The following FOXO3 variants were observed in gnomAD, a reference collection of about 807,000 sequenced individuals.
The protein encoded by FOXO3 is forkhead box O3.
A neutral mutation model predicts 41.9 loss-of-function variants in FOXO3; 4 were observed. The observed-to-expected ratio is 0.10, with a 90% CI of 0.05 to 0.22. FOXO3 has a LOEUF of 0.22. Among genes scored for constraint, FOXO3 ranks in the 10% least tolerant of loss-of-function variants. FOXO3 has a pLI of 1.00. For missense variants in FOXO3, 534 were observed against 906.8 expected (o/e 0.59, Z 5.28); for synonymous variants, 318 against 389.3 (o/e 0.82, Z 2.16).
At chr6:108,569,120 C>G (rs367969585) in intron 1 of FOXO3, among the ~76,000 whole-genome samples, 4 of 152,162 alleles carry the variant, frequency 2.6e-5, no homozygotes, top group African/African-American at 9.7e-5. Flanking sequence ...GCAGAAGTCC[C>G]AAATGTACTT....
At chr6:108,654,755 G>A (rs1278621915) in intron 1 of FOXO3, among the ~76,000 whole-genome samples, 1 of 144,538 alleles carries the variant, frequency 6.9e-6, no homozygotes, top group Non-Finnish European at 1.5e-5. Context: ...TTTTTTTTAA[G>A]TCCCTTAATG....
rs1415356200 is a variant in FOXO3 at position 108,663,902 on chromosome 6, T to A, written c.1069T>A (p.Ser357Thr). Reference protein sequence around the residue: ...LYSSSASLSPSVSKPCTVELP... With the variant: ...LYSSSASLSPTVSKPCTVELP... ...CAGCAGCTCAGCCAGCCTGTCACCT[T>A]CAGTAAGCAAGCCGTGCACGGTGGA... Residue 357 changes from serine to threonine, a missense_variant, in exon 2 of 3, where the codon TCA becomes ACA. Ser to Thr is a moderately conservative substitution (Grantham distance 58, BLOSUM62 1). Around this residue, in one of 8 missense-constraint regions of FOXO3, gnomAD observed 185 missense variants for 224.9 expected, o/e 0.82. Coordinates refer to ENST00000406360, the MANE Select transcript of FOXO3 (RefSeq NM_001455.4). 6.2e-7 allele frequency: 1 copy of A among 1,614,148 alleles called. No homozygotes were observed. The highest frequency in any genetic ancestry group is 8.5e-7 in the Non-Finnish European group (1 of 1,180,012).
chr6:108,584,595 G>C (rs1776523676), intron 1 of FOXO3, among the ~76,000 whole-genome samples: 1 of 152,200 alleles, frequency 6.6e-6, no homozygotes, highest in Non-Finnish European at 1.5e-5. Flanking sequence ...AACATGCAGA[G>C]TGTTGGGTGA....
At chr6:108,675,615 T>G (rs1770556767) in intron 2 of FOXO3, among the ~76,000 whole-genome samples, 1 of 152,262 alleles carries the variant, frequency 6.6e-6, no homozygotes, top group Admixed American at 6.5e-5. Context: ...GTTGAAAGTT[T>G]GGCTAAAATT....
Position 108,663,475 on chromosome 6 carries a change from G to A in FOXO3, c.642G>A (p.Leu214=), listed in dbSNP as rs1778931174. ...AGWKNSIRHN[L]SLHSRFMRVQ... is the part of the protein sequence containing the mutation. ...TGCAGAACTCCATCCGGCACAACCT[G>A]TCACTGCATAGTCGATTCATGCGGG... The change falls in exon 2 of 3, where the codon CTG becomes CTA. Residue 214 remains leucine, a synonymous_variant. Coordinates refer to ENST00000406360, the MANE Select transcript of FOXO3 (RefSeq NM_001455.4). 2 of 1,604,960 alleles carry A rather than the reference G, an allele frequency of 1.2e-6. No individual in the cohort carries two copies. Among genetic ancestry groups the A allele is most frequent in the Admixed American group, 1.7e-5 (1 of 58,804 alleles).
chr6:108,627,212 A>T (rs1411154946), intron 1 of FOXO3, among the ~76,000 whole-genome samples: 1 of 152,182 alleles, frequency 6.6e-6, no homozygotes, highest in African/African-American at 2.4e-5. Context: ...GAATGGACAC[A>T]TACAGGCTGG....
intron 1 of FOXO3, among the ~76,000 whole-genome samples, chr6:108,571,702 C>T (rs1383595397): frequency 6.6e-6 from 1 of 152,180 alleles, no homozygotes; most frequent in Non-Finnish European, 1.5e-5. Context: ...TCCCAGGGAG[C>T]ATGGCTTTGC....
At chr6:108,679,024 A>G (rs1470486088) in intron 2 of FOXO3, among the ~76,000 whole-genome samples, 1 of 151,482 alleles carries the variant, frequency 6.6e-6, no homozygotes, top group Non-Finnish European at 1.5e-5. Context: ...GGTGCCCGCC[A>G]CCGCGCCCGG....
At chr6:108,565,048 G>A (rs956398026) in intron 1 of FOXO3, among the ~76,000 whole-genome samples, 1 of 152,108 alleles carries the variant, frequency 6.6e-6, no homozygotes, top group Non-Finnish European at 1.5e-5. Flanking sequence ...CACATAAGTA[G>A]CGCTTGCTTT....
At chr6:108,606,107 G>A (rs1582770647) in intron 1 of FOXO3, among the ~76,000 whole-genome samples, 1 of 152,216 alleles carries the variant, frequency 6.6e-6, no homozygotes, top group Non-Finnish European at 1.5e-5. Flanking sequence ...AAGAGGTGGG[G>A]CAGTATGAGA....
intron 1 of FOXO3, among the ~76,000 whole-genome samples, chr6:108,640,393 G>A (rs758338425): frequency 1.3e-5 from 2 of 152,198 alleles, no homozygotes; most frequent in African/African-American, 2.4e-5. Context: ...GTTTACTAAC[G>A]TCAGGTCACT....
At chr6:108,574,257 C>A (rs1776200032) in intron 1 of FOXO3, among the ~76,000 whole-genome samples, 1 of 151,568 alleles carries the variant, frequency 6.6e-6, no homozygotes, top group Non-Finnish European at 1.5e-5. Context: ...TTTGGTGATT[C>A]TGCAGTTCTC....
At chr6:108,575,231 G>C (rs892307546) in intron 1 of FOXO3, among the ~76,000 whole-genome samples, 3 of 151,958 alleles carry the variant, frequency 2.0e-5, no homozygotes, top group African/African-American at 7.3e-5. Context: ...CCTAATCATT[G>C]ATTTTTAAAA....
chr6:108,648,937 C>T (rs2128381798), intron 1 of FOXO3, among the ~76,000 whole-genome samples: 1 of 147,146 alleles, frequency 6.8e-6, no homozygotes, highest in African/African-American at 2.5e-5. Context: ...CTCAAGGCTG[C>T]AGTGAACTGT....
chr6:108,598,795 C>T (rs1237805974), intron 1 of FOXO3, among the ~76,000 whole-genome samples: 1 of 152,130 alleles, frequency 6.6e-6, no homozygotes, highest in Non-Finnish European at 1.5e-5. Flanking sequence ...CTACCCAGGG[C>T]ATTGCTTTGT....
chr6:108,600,411 GT>G (rs1777016477), intron 1 of FOXO3, among the ~76,000 whole-genome samples: 1 of 151,936 alleles, frequency 6.6e-6, no homozygotes, highest in Non-Finnish European at 1.5e-5. Context: ...GCCGGGTGTG[GT>G]GGTACACTCC....
intron 2 of FOXO3, among the ~76,000 whole-genome samples, chr6:108,667,052 G>A (rs1214752737): frequency 1.3e-5 from 2 of 152,164 alleles, no homozygotes; most frequent in East Asian, 1.9e-4. Flanking sequence ...TCCAGCTCAC[G>A]GGTGGTTGCA....
At chr6:108,656,003 T>C (rs1342421583) in intron 1 of FOXO3, among the ~76,000 whole-genome samples, 1 of 152,130 alleles carries the variant, frequency 6.6e-6, no homozygotes, top group African/African-American at 2.4e-5. Context: ...TGCTTTCCCC[T>C]GAAATTCCTT....
At chr6:108,644,833 T>C (rs1036194803) in intron 1 of FOXO3, among the ~76,000 whole-genome samples, 16 of 152,206 alleles carry the variant, frequency 1.1e-4, no homozygotes, top group African/African-American at 3.9e-4. Context: ...GGTATCCTGT[T>C]GTTTTCCTTC....
Sources: gnomAD v4.1 joint callset for allele counts (sites outside exome capture counted in the v4.1 genomes callset) on GRCh38, gnomAD v4.1.1 for gene constraint, gnomAD v4.1.1 regional missense constraint, MANE v1.5 for transcripts, NCBI Gene and HGNC (gene_info 2026-07-23, HGNC 2026-07-21) for gene names.